The following PAQR3 variants were observed in gnomAD, a reference collection of about 807,000 sequenced individuals.
PAQR3 encodes Raf kinase trapping to Golgi.
A neutral mutation model predicts 41.7 loss-of-function variants in PAQR3; 39 were observed. The ratio of observed to expected loss-of-function variants is 0.93; its 90% CI spans 0.72 to 1.22. The LOEUF (loss-of-function observed/expected upper bound fraction) is 1.22, where lower values mean the gene tolerates loss of function less well. Among genes scored for constraint, PAQR3 ranks in the 50% most tolerant of loss-of-function variants. The pLI, the probability that PAQR3 is intolerant of heterozygous loss-of-function variation, is 0.00. For synonymous variants in PAQR3, 140 were observed against 140.6 expected, an observed-to-expected ratio of 1.00 and a Z score of 0.03; for missense variants, 366 against 385.6, an observed-to-expected ratio of 0.95 and a Z score of 0.42.
chr4:78,893,661 C>T (rs922098943), intron 11 of PAQR3, among the ~76,000 whole-genome samples: 4 of 152,202 alleles, frequency 2.6e-5, no homozygotes, highest in Admixed American at 2.6e-4. Flanking sequence ...CTCCTGGGCT[C>T]CAGTGATCCT....
intron 1 of PAQR3, among the ~76,000 whole-genome samples, chr4:78,938,767 T>G (rs1737710619): frequency 1.3e-5 from 2 of 151,940 alleles, no homozygotes; most frequent in African/African-American, 4.8e-5. Context: ...ACAAACCGAA[T>G]AAAGGATGTA....
chr4:78,895,156 G>A (rs1277422997), intron 11 of PAQR3, among the ~76,000 whole-genome samples: 2 of 152,158 alleles, frequency 1.3e-5, no homozygotes, highest in African/African-American at 4.8e-5. Context: ...GAGACACAAA[G>A]TAATCACATG....
chr4:78,922,265 C>A, intron 5 of PAQR3: 1 of 1,242,124 alleles, frequency 8.1e-7, no homozygotes. Context: ...TATTTCCATT[C>A]TTATTTAAAG....
chr4:78,907,840 C>T (rs1369388114), downstream of PAQR3, among the ~76,000 whole-genome samples: 3 of 152,060 alleles, frequency 2.0e-5, no homozygotes, highest in Non-Finnish European at 4.4e-5. Context: ...TTGGAGGTGT[C>T]CGTGAGCAGG....
Position 78,919,520 on chromosome 4 carries a change from G to C in PAQR3, c.*1019C>G. The stretch of plus-strand genomic sequence containing the variant: ...CAATGCTAACACATGCAGAAACCGA[G>C]GACCAGAGCACAGGTGAATAAGATT... On this transcript the variant is annotated 3_prime_UTR_variant, in exon 6 of 6. Coordinates refer to ENST00000512733, the MANE Select transcript of PAQR3 (RefSeq NM_001040202.2). 5 of 985,110 alleles carry C rather than the reference G, an allele frequency of 5.1e-6. No individual in the cohort carries two copies. Among genetic ancestry groups the C allele is most frequent in the Non-Finnish European group, 4.8e-6 (4 of 829,782 alleles). The allele number at this position is 985,110 out of a possible 1,614,324, so 61.0% of individuals were successfully genotyped here.
At chr4:78,924,369 T>C (rs1420312888) in intron 4 of PAQR3, among the ~76,000 whole-genome samples, 2 of 152,190 alleles carry the variant, frequency 1.3e-5, no homozygotes, top group African/African-American at 4.8e-5. Flanking sequence ...TACTACTATA[T>C]GAAGCACTTT....
Position 78,919,707 on chromosome 4 carries a change from G to A in PAQR3, c.*832C>T. ...GGACTACAAATTCAGAGAGTTGAAA[G>A]CTCTGGAATTTTGGGATCAAAAACC... On this transcript the variant is annotated 3_prime_UTR_variant, in exon 6 of 6. Transcript: ENST00000512733. 1 of 985,034 alleles carries A rather than the reference G, an allele frequency of 1.0e-6. No homozygotes were observed. The highest frequency in any genetic ancestry group is 1.2e-6 in the Non-Finnish European group (1 of 829,704). 61.0% of individuals were successfully genotyped at this position (985,034 alleles called of 1,614,324 possible).
intron 2 of PAQR3, chr4:78,933,149 T>C: frequency 8.8e-6 from 4 of 456,066 alleles, no homozygotes; most frequent in South Asian, 4.7e-5. Context: ...CCTCACTGTC[T>C]CTTCTGCACA....
At chr4:78,891,563 C>T (rs959142214) in intron 11 of PAQR3, among the ~76,000 whole-genome samples, 14 of 152,166 alleles carry the variant, frequency 9.2e-5, no homozygotes, top group African/African-American at 3.1e-4. Context: ...CCTCTGTTTT[C>T]TAGCTCTTTG....
At position 78,914,017 on chromosome 4, in the gene PAQR3, TTGA is replaced by T. The variant is rs762471415; in HGVS notation, c.*6519_*6521del. 2.6e-4 allele frequency: 39 copies of T among 152,126 alleles called. 1 individual carries two copies. The highest frequency in any genetic ancestry group is 1.9e-3 in the Admixed American group (29 of 15,270). 9.4% of individuals were successfully genotyped at this position (152,126 alleles called of 1,614,324 possible). ...GATACTTTCTTTTAAAAGTGAAGAG[TTGA>T]TGATTACACATAGTAAATTCATGAA... On this transcript the variant is annotated 3_prime_UTR_variant, in exon 6 of 6. Coordinates refer to ENST00000512733, the MANE Select transcript of PAQR3 (RefSeq NM_001040202.2).
chr4:78,909,064 T>C (rs1380058105), downstream of PAQR3, among the ~76,000 whole-genome samples: 6 of 146,960 alleles, frequency 4.1e-5, no homozygotes, highest in South Asian at 1.3e-3. Flanking sequence ...TCTTTTTTTT[T>C]TTTTTTTTTT....
Position 78,920,633 on chromosome 4 carries a change from G to T in PAQR3, c.842C>A (p.Ala281Glu), listed in dbSNP as rs773453180. ...GSSHQIWHIL[A>E]VVMLYWWHQS... ...ATGCCACCAATATAACATCACTACT[G>T]CAAGGATATGCCATATTTGGTGGCT... Residue 281 changes from alanine (A) to glutamate (E), a missense_variant, in exon 6 of 6, where the codon GCA becomes GAA. Transcript: ENST00000512733. 1.2e-5 allele frequency: 19 copies of T among 1,611,230 alleles called. No individual in the cohort carries two copies. The highest frequency in any genetic ancestry group is 1.6e-5 in the Non-Finnish European group (19 of 1,178,332).
chr4:78,922,406 C>T, intron 5 of PAQR3: 1 of 1,288,882 alleles, frequency 7.8e-7, no homozygotes, highest in Non-Finnish European at 1.0e-6. Flanking sequence ...TTCTCTGATT[C>T]ACCGTGGAAG....
At chr4:78,930,857 A>G (rs955481416) in intron 2 of PAQR3, among the ~76,000 whole-genome samples, 10 of 147,414 alleles carry the variant, frequency 6.8e-5, no homozygotes, top group Non-Finnish European at 5.9e-5. Flanking sequence ...CCTGTGATAT[A>G]TTAGTCTATA....
chr4:78,911,915 T>G lies in PAQR3; in HGVS notation c.*8624A>C, dbSNP rs768025835. 1 of 1,613,990 alleles carries G rather than the reference T, an allele frequency of 6.2e-7. No homozygotes were observed. Among genetic ancestry groups the G allele is most frequent in the South Asian group, 1.1e-5 (1 of 91,086 alleles). ...GCAGATGTATTGAAAATGGATGATT[T>G]TGGTGCCGTGCCCTTTACAGAACTT... On this transcript the variant is annotated 3_prime_UTR_variant, in exon 6 of 6. Transcript: ENST00000512733.
chr4:78,897,128 A>G (rs1278370801), intron 11 of PAQR3, among the ~76,000 whole-genome samples: 1 of 152,120 alleles, frequency 6.6e-6, no homozygotes, highest in East Asian at 1.9e-4. Flanking sequence ...AAATTAGCAT[A>G]AGATATTGCT....
At chr4:78,932,202 TTCA>T (rs1293748650) in intron 2 of PAQR3, among the ~76,000 whole-genome samples, 1 of 152,210 alleles carries the variant, frequency 6.6e-6, no homozygotes, top group Non-Finnish European at 1.5e-5. Flanking sequence ...ACTTCATTGC[TTCA>T]TCAATTGTCT....
intron 11 of PAQR3, among the ~76,000 whole-genome samples, chr4:78,892,697 TAAAG>T (rs987366101): frequency 4.6e-5 from 7 of 152,182 alleles, no homozygotes; most frequent in African/African-American, 1.7e-4. Context: ...TATTTTGCAA[TAAAG>T]AGAGGGACAC....
intron 11 of PAQR3, among the ~76,000 whole-genome samples, chr4:78,903,681 C>G (rs1734135799): frequency 6.6e-6 from 1 of 151,548 alleles, no homozygotes; most frequent in South Asian, 2.1e-4. Flanking sequence ...AGAACTTAAC[C>G]CTACAGAATA....
Sources: gnomAD v4.1 joint callset for allele counts (sites outside exome capture counted in the v4.1 genomes callset) on GRCh38, gnomAD v4.1.1 for gene constraint, MANE v1.5 for transcripts, NCBI Gene and HGNC (gene_info 2026-07-23, HGNC 2026-07-21) for gene names.